The following SPG11 variants were observed in gnomAD, a reference collection of about 807,000 sequenced individuals.
The protein encoded by SPG11 is spatacsin.
A neutral mutation model predicts 274.0 loss-of-function variants in SPG11; 222 were observed. The observed-to-expected ratio is 0.81, with a 90% confidence interval of 0.73 to 0.91. The LOEUF is 0.91. Ranked by LOEUF, SPG11 falls within the 40% of genes least tolerant of loss-of-function variation. SPG11 has a pLI of 0.00. For missense variants in SPG11, 3,114 were observed against 2,872.7 expected (o/e 1.08, Z -1.92); for synonymous variants, 1,144 against 1,039.7 (o/e 1.10, Z -1.93).
At chr15:44,661,783 A>G (rs1204936531) in intron 1 of SPG11, among the ~76,000 whole-genome samples, 1 of 152,244 alleles carries the variant, frequency 6.6e-6, no homozygotes, top group Non-Finnish European at 1.5e-5. Flanking sequence ...AATGCAATAA[A>G]CAAGATATAT....
chr15:44,636,880 C>T (rs1007101511), intron 7 of SPG11, among the ~76,000 whole-genome samples: 1 of 130,220 alleles, frequency 7.7e-6, no homozygotes, highest in Non-Finnish European at 1.5e-5. Flanking sequence ...GAGCAGAGAT[C>T]GCATCATTGC....
chr15:44,602,720 G>C (rs570146686), intron 20 of SPG11, among the ~76,000 whole-genome samples: 1 of 152,104 alleles, frequency 6.6e-6, no homozygotes, highest in East Asian at 1.9e-4. Context: ...CTGACCTCGT[G>C]ATCTACCCAC....
At chr15:44,577,486 G>C (rs1242602471) in intron 30 of SPG11, among the ~76,000 whole-genome samples, 3 of 135,762 alleles carry the variant, frequency 2.2e-5, no homozygotes, top group African/African-American at 7.9e-5. Flanking sequence ...CTGGGCAACA[G>C]AGTGAGGCCC....
In SPG11 at chr15:44,633,573, A is replaced by G. The variant is rs375399685; in HGVS notation, c.1667T>C (p.Phe556Ser). Residue 556 changes from phenylalanine to serine, a missense_variant, in exon 8 of 40, where the codon TTT becomes TCT. By Grantham distance (155) the Phe-to-Ser change is radical. Transcript: ENST00000261866. ...TACAGAAGATTTTGAGGATGGATTA[A>G]AAAGATTTTCCTTGCTCTTCAAAAA... The part of the protein sequence containing the change: ...NFFLKSKENL[F>S]NPSSKSSVSD... 13 of 1,613,340 alleles carry G rather than the reference A, an allele frequency of 8.1e-6. No individual in the cohort carries two copies. The highest frequency in any genetic ancestry group is 5.3e-5 in the African/African-American group (4 of 75,018).
In SPG11 at chr15:44,562,897, C is replaced by G. The variant is rs1244138461; in HGVS notation, c.*224G>C. 3.7e-6 allele frequency: 2 copies of G among 533,338 alleles called. No individual in the cohort carries two copies. Among genetic ancestry groups the G allele is most frequent in the East Asian group, 6.5e-5 (2 of 30,922 alleles). The allele number at this position is 533,338 out of a possible 1,614,324, so 33.0% of individuals were successfully genotyped here. A position where few individuals can be genotyped will look rare whatever the true frequency, so the allele number is the denominator to read the frequency against. The stretch of plus-strand genomic sequence containing the variant: ...AAGCTTTTGATCTTAATACTAGTAT[C>G]TATATAAAATGGTGTGGATGAACAA... On this transcript the variant is annotated 3_prime_UTR_variant, in exon 40 of 40. Transcript: ENST00000261866.
chr15:44,621,553 TTTTTC>T (rs1265170419), intron 14 of SPG11: 1 of 552,664 alleles, frequency 1.8e-6, no homozygotes, highest in Non-Finnish European at 3.2e-6. Context: ...ATTAACTATT[TTTTTC>T]TTTTATTAGC....
At chr15:44,597,901 CTCT>C (rs1244690567) in intron 23 of SPG11, among the ~76,000 whole-genome samples, 10 of 152,282 alleles carry the variant, frequency 6.6e-5, no homozygotes, top group African/African-American at 1.9e-4. Flanking sequence ...CTACATCATC[CTCT>C]TCTTCATTTT....
intron 28 of SPG11, 147 bp downstream of exon 28, chr15:44,589,105 A>T: frequency 1.4e-6 from 1 of 738,330 alleles, no homozygotes; most frequent in Non-Finnish European, 2.3e-6. Flanking sequence ...ACCACAATTT[A>T]AAGTTCTCTG....
intron 30 of SPG11, among the ~76,000 whole-genome samples, chr15:44,576,564 G>C (rs2082542805): frequency 1.3e-5 from 2 of 151,636 alleles, no homozygotes; most frequent in South Asian, 4.2e-4. Flanking sequence ...CAGGAGAATG[G>C]CGTGAACCCG....
intron 39 of SPG11, among the ~76,000 whole-genome samples, chr15:44,564,255 A>G (rs1044042141): frequency 6.6e-6 from 1 of 152,152 alleles, no homozygotes; most frequent in Non-Finnish European, 1.5e-5. Context: ...GGCCTCCCAT[A>G]GTGCTGGGAT....
At chr15:44,570,773 C>G in intron 33 of SPG11, 115 bp from the exon 34 acceptor site, 1 of 1,383,232 alleles carries the variant, frequency 7.2e-7, no homozygotes, top group Non-Finnish European at 1.0e-6. Flanking sequence ...CTGGAGAGGG[C>G]CGTCCCATCA....
chr15:44,578,429 T>A (rs1048119860), intron 30 of SPG11, among the ~76,000 whole-genome samples: 1 of 151,846 alleles, frequency 6.6e-6, no homozygotes, highest in African/African-American at 2.4e-5. Context: ...TGGCCCTGGG[T>A]GTAGGAATAG....
Position 44,609,959 on chromosome 15 carries a change from C to G in SPG11, c.3291+881G>C, listed in dbSNP as rs140947874. ...GCTCTGTCACAGAGGCTGGAGTACA[C>G]TGGCGCGATCTCAGCTCACTGCAAC... On this transcript the variant is annotated intron_variant, in intron 18 of 39. Coordinates refer to ENST00000261866, the MANE Select transcript of SPG11 (RefSeq NM_025137.4). 4.9e-3 allele frequency among the ~76,000 whole-genome samples: 693 copies of G among 142,826 alleles called. 10 individuals carry two copies. Among genetic ancestry groups the G allele is most frequent in the African/African-American group, 0.018 (666 of 37,888 alleles). 93.7% of individuals were successfully genotyped at this position (142,826 alleles called of 152,430 possible). A position where few individuals can be genotyped will look rare whatever the true frequency, so the allele number is the denominator to read the frequency against.
intron 29 of SPG11, 40 bp downstream of exon 29, chr15:44,585,596 C>T (rs560236258): frequency 2.7e-5 from 40 of 1,484,858 alleles, no homozygotes; most frequent in African/African-American, 4.4e-5. Context: ...AGCAAGACCC[C>T]GTATCTAAAA....
intron 11 of SPG11, among the ~76,000 whole-genome samples, chr15:44,624,332 G>GAA (rs377035983): frequency 7.2e-6 from 1 of 139,806 alleles, no homozygotes. Flanking sequence ...TACAAAAAAA[G>GAA]AAAAAAAAAA....
At position 44,589,378 on chromosome 15, in the gene SPG11, G is replaced by C. The variant is rs771186100; in HGVS notation, c.4780C>G (p.Pro1594Ala). Residue 1594 changes from proline (P) to alanine (A), a missense_variant, in exon 28 of 40, where the codon CCT becomes GCT. By Grantham distance (27) the Pro-to-Ala change is conservative. Coordinates refer to ENST00000261866, the MANE Select transcript of SPG11 (RefSeq NM_025137.4). The part of the protein sequence containing the change: ...TAATKVHPVI[P>A]AMWLEDQVCF... ...ACCTGATCCTCCAGCCACATGGCAG[G>C]GATGACAGGGTGGACCTTTGTGGCT... 1 of 1,614,112 alleles carries C rather than the reference G, an allele frequency of 6.2e-7. No homozygotes were observed. Among genetic ancestry groups the C allele is most frequent in the Non-Finnish European group, 8.5e-7 (1 of 1,179,964 alleles).
In SPG11 at chr15:44,629,360, A is replaced by G; in HGVS notation, c.1764T>C (p.Asp588=). ...RNVEELIPAL[D]LLCSAIRESY... ...TTTCTCTAATTGCCGAGCAAAGTAA[A>G]TCCAATGCTGGTATCAGCTCTTCCA... The change falls in exon 9 of 40, where the codon GAT becomes GAC. Residue 588 remains aspartate (D), a synonymous_variant. Transcript: ENST00000261866. The G allele has an allele frequency of 6.2e-7, 1 of 1,614,170 alleles. No individual in the cohort carries two copies. Among genetic ancestry groups the G allele is most frequent in the South Asian group, 1.1e-5 (1 of 91,080 alleles).
chr15:44,647,403 C>G (rs2084639094), intron 7 of SPG11, among the ~76,000 whole-genome samples: 1 of 152,098 alleles, frequency 6.6e-6, no homozygotes, highest in Non-Finnish European at 1.5e-5. Flanking sequence ...CCCAGTAATT[C>G]CACAGCTAGG....
chr15:44,594,481 G>A (rs2140967841), intron 26 of SPG11, among the ~76,000 whole-genome samples: 1 of 151,480 alleles, frequency 6.6e-6, no homozygotes, highest in East Asian at 2.0e-4. Context: ...TGTGGTGACT[G>A]ATGCCTGTAA....
Sources: gnomAD v4.1 joint callset for allele counts (sites outside exome capture counted in the v4.1 genomes callset) on GRCh38, gnomAD v4.1.1 for gene constraint, MANE v1.5 for transcripts, NCBI Gene and HGNC (gene_info 2026-07-23, HGNC 2026-07-21) for gene names.